Variants in SEC11C observed in about 807,000 individuals in gnomAD.
The protein encoded by SEC11C is SEC11 homolog C, signal peptidase complex subunit.
In SEC11C, 10 loss-of-function variants were observed where a neutral mutation model predicts 21.9. That is an observed-to-expected ratio of 0.46 (90% CI 0.28 to 0.77). The LOEUF (loss-of-function observed/expected upper bound fraction) is 0.77. SEC11C is among the 30% of genes least tolerant of loss of function. The pLI is 0.12. For missense variants in SEC11C, 145 were observed against 244.5 expected (o/e 0.59, Z 2.71); for synonymous variants, 83 against 85.6 (o/e 0.97, Z 0.17).
rs549999065 is a variant in SEC11C, at chr18:59,149,062, C to T, written c.88-451C>T. 9.2e-5 allele frequency among the ~76,000 whole-genome samples: 14 copies of T among 152,372 alleles called. 1 individual carries two copies. The highest frequency in any genetic ancestry group is 3.4e-3 in the Middle Eastern group (1 of 294). ...GGCCTCATTGCCAAGCACTATAGGA[C>T]TCCAAAGCTTCCATTTGAGGCTAAA... is the stretch of plus-strand genomic sequence containing the variant. On this transcript the variant is annotated intron_variant, in intron 1 of 5. Coordinates refer to ENST00000587834, the MANE Select transcript of SEC11C (RefSeq NM_033280.4).
chr18:59,143,573 G>A (rs1167424671), intron 1 of SEC11C, among the ~76,000 whole-genome samples: 1 of 152,036 alleles, frequency 6.6e-6, no homozygotes, highest in African/African-American at 2.4e-5. Flanking sequence ...ATCAGTCAGA[G>A]TTTGTTTTCA....
chr18:59,153,768 A>G (rs1406878019), intron 3 of SEC11C, among the ~76,000 whole-genome samples: 1 of 148,748 alleles, frequency 6.7e-6, no homozygotes, highest in Non-Finnish European at 1.5e-5. Context: ...GTGCAATGGC[A>G]TGATCTCAGC....
At chr18:59,143,701 C>G (rs570016721) in intron 1 of SEC11C, among the ~76,000 whole-genome samples, 2 of 152,184 alleles carry the variant, frequency 1.3e-5, no homozygotes, top group East Asian at 3.9e-4. Context: ...TGGTGAGATC[C>G]TACTGCAGCT....
chr18:59,143,875 G>A (rs1376527174), intron 1 of SEC11C, among the ~76,000 whole-genome samples: 1 of 58,704 alleles, frequency 1.7e-5, no homozygotes, highest in Non-Finnish European at 3.3e-5. Flanking sequence ...TTTTTGAGAT[G>A]GAGTCTTGCT....
intron 3 of SEC11C, among the ~76,000 whole-genome samples, chr18:59,154,339 T>C (rs1014657329): frequency 1.7e-4 from 26 of 152,374 alleles, no homozygotes; most frequent in African/African-American, 4.8e-4. Context: ...CAAATCAGCT[T>C]GCTCTTTTTG....
chr18:59,145,548 G>A (rs182279368), intron 1 of SEC11C, among the ~76,000 whole-genome samples: 1 of 152,304 alleles, frequency 6.6e-6, no homozygotes, highest in East Asian at 1.9e-4. Context: ...CAGTGCAGCT[G>A]GGGTGAGGCG....
In SEC11C at chr18:59,158,658, A is replaced by G; in HGVS notation, c.552A>G (p.Ala184=). The G allele has an allele frequency of 6.2e-7, 1 of 1,613,974 alleles. No individual in the cohort carries two copies. ...FKYALLAVMG[A]YVLLKRES is the part of the protein sequence containing the mutation. Reference sequence around the variant, plus strand: ...ATGCTCTTTTGGCTGTAATGGGTGCATATGTGTTACTAAAACGTGAATCCT... The same window carrying G: ...ATGCTCTTTTGGCTGTAATGGGTGCGTATGTGTTACTAAAACGTGAATCCT... Residue 184 remains alanine, a synonymous_variant, in exon 6 of 6, where the codon GCA becomes GCG. Coordinates refer to ENST00000587834, the MANE Select transcript of SEC11C (RefSeq NM_033280.4).
intron 5 of SEC11C, among the ~76,000 whole-genome samples, chr18:59,158,161 T>C (rs2069439897): frequency 6.6e-6 from 1 of 152,142 alleles, no homozygotes; most frequent in Non-Finnish European, 1.5e-5. Flanking sequence ...GTTCAGGTGA[T>C]TCTCCTGCCT....
intron 2 of SEC11C, among the ~76,000 whole-genome samples, chr18:59,149,983 G>C (rs762843898): frequency 1.3e-5 from 2 of 151,836 alleles, no homozygotes; most frequent in Non-Finnish European, 2.9e-5. Flanking sequence ...CAAACAGGCA[G>C]AGAGAGCCTG....
chr18:59,150,080 A>G (rs2069330052), intron 2 of SEC11C, among the ~76,000 whole-genome samples: 1 of 152,070 alleles, frequency 6.6e-6, no homozygotes, highest in Non-Finnish European at 1.5e-5. Context: ...TCTTCTTGAG[A>G]CTATGATGCT....
At chr18:59,153,806 A>C (rs1398232687) in intron 3 of SEC11C, among the ~76,000 whole-genome samples, 1 of 151,344 alleles carries the variant, frequency 6.6e-6, no homozygotes, top group Non-Finnish European at 1.5e-5. Context: ...TCCTGGGTTC[A>C]AGCAATTCTC....
chr18:59,144,903 T>C, intron 1 of SEC11C, among the ~76,000 whole-genome samples: 1 of 152,192 alleles, frequency 6.6e-6, no homozygotes, highest in Non-Finnish European at 1.5e-5. Context: ...TTTTAGTGTT[T>C]TTCTTATTGC....
At chr18:59,150,395 C>T (rs137901402) in intron 2 of SEC11C, among the ~76,000 whole-genome samples, 116 of 152,352 alleles carry the variant, frequency 7.6e-4, no homozygotes, top group Admixed American at 1.5e-3. Flanking sequence ...CTCCACCAGG[C>T]GTTGCCACCA....
intron 3 of SEC11C, among the ~76,000 whole-genome samples, chr18:59,154,003 G>A (rs1192709835): frequency 6.6e-6 from 1 of 151,992 alleles, no homozygotes; most frequent in Non-Finnish European, 1.5e-5. Flanking sequence ...AACTGTGCCC[G>A]GCCCATTTAC....
chr18:59,158,127 C>T, intron 5 of SEC11C, among the ~76,000 whole-genome samples: 1 of 152,120 alleles, frequency 6.6e-6, no homozygotes, highest in East Asian at 1.9e-4. Flanking sequence ...ACAATTTCGG[C>T]TCACCACAAC....
chr18:59,153,503 A>G (rs1334162664), intron 3 of SEC11C: 1 of 152,108 alleles, frequency 6.6e-6, no homozygotes, highest in East Asian at 1.9e-4. Context: ...TGAGTTTGAG[A>G]GAGAGCGGTA....
chr18:59,154,153 C>A (rs1052085725), intron 3 of SEC11C, among the ~76,000 whole-genome samples: 6 of 152,144 alleles, frequency 3.9e-5, no homozygotes, highest in Non-Finnish European at 5.9e-5. Context: ...CTGTTAGATT[C>A]CTGAGGAAGA....
chr18:59,140,041 G>C lies in SEC11C; in HGVS notation c.87+6G>C, dbSNP rs758904869. 6.3e-7 allele frequency: 1 copy of C among 1,575,548 alleles called. No individual in the cohort carries two copies. Among genetic ancestry groups the C allele is most frequent in the Non-Finnish European group, 8.6e-7 (1 of 1,156,520 alleles). ...AGAAGATGAACAAGCGCCAGGTGAC[G>C]GAGGAGGGTGGTGAGCGCGCCGTGG... On this transcript the variant is annotated splice_donor_region_variant and intron_variant, in intron 1 of 5. Coordinates refer to ENST00000587834, the MANE Select transcript of SEC11C (RefSeq NM_033280.4).
chr18:59,158,542 G>A (rs1360331599), intron 5 of SEC11C, 90 bp from the exon 6 acceptor site: 24 of 955,250 alleles, frequency 2.5e-5, no homozygotes, highest in Middle Eastern at 4.2e-4. Flanking sequence ...TGTCCTCAGC[G>A]CAGTATTTAA....
Sources: allele counts gnomAD v4.1 joint callset (sites outside exome capture counted in the v4.1 genomes callset), GRCh38; gene constraint gnomAD v4.1.1; transcripts MANE v1.5; gene names NCBI Gene and HGNC (gene_info 2026-07-23, HGNC 2026-07-21).